The following ASMTL variants were observed in gnomAD, a reference collection of about 807,000 sequenced individuals.
ASMTL encodes the protein probable bifunctional dTTP/UTP pyrophosphatase/methyltransferase protein.
In ASMTL, 57 loss-of-function variants were observed where a neutral mutation model predicts 60.3. The observed-to-expected ratio is 0.95, with a 90% CI of 0.76 to 1.18. ASMTL has a LOEUF of 1.18. Among genes scored for constraint, ASMTL ranks in the 50% most tolerant of loss-of-function variants. The pLI is 0.00. For synonymous variants in ASMTL, 419 were observed against 373.0 expected, an observed-to-expected ratio of 1.12 and a Z score of -1.42; for missense variants, 981 against 852.6, an observed-to-expected ratio of 1.15 and a Z score of -1.88.
Position 1,442,407 on chromosome X carries a change from G to A in ASMTL, c.94-90C>T, listed in dbSNP as rs1163589888. ...GCAAGATTTGCAGGACGCACATAGCGTTTGCTACACTCCCCGACCCTGTCC... is the reference window on the plus strand; with the variant it reads ...GCAAGATTTGCAGGACGCACATAGCATTTGCTACACTCCCCGACCCTGTCC... On this transcript the variant is annotated intron_variant, in intron 1 of 12. Transcript: ENST00000381317. 1.4e-5 allele frequency: 20 copies of A among 1,459,028 alleles called. No individual in the cohort carries two copies. The African/African-American group carries it at 1.8e-4, about 13-fold the overall frequency. 90.4% of individuals were successfully genotyped at this position (1,459,028 alleles called of 1,614,324 possible). A position where few individuals can be genotyped will look rare whatever the true frequency, so the allele number is the denominator to read the frequency against.
chrX:1,429,567 G>A (rs1428461066), intron 6 of ASMTL, among the ~76,000 whole-genome samples: 2 of 152,084 alleles, frequency 1.3e-5, no homozygotes, highest in African/African-American at 4.8e-5. Flanking sequence ...GGAGGCTGAG[G>A]CAGGCAGATC....
intron 12 of ASMTL, among the ~76,000 whole-genome samples, chrX:1,408,023 G>T (rs2089930724): frequency 1.4e-5 from 2 of 148,104 alleles, no homozygotes; most frequent in South Asian, 4.4e-4. Flanking sequence ...AACATCGCAA[G>T]ATCCCATCTC....
intron 12 of ASMTL, among the ~76,000 whole-genome samples, chrX:1,405,259 GGTAC>G (rs1366892175): frequency 4.9e-5 from 7 of 141,748 alleles, no homozygotes; most frequent in Admixed American, 1.4e-4. Flanking sequence ...GTAGATGATG[GGTAC>G]GTAGATAGAT....
At chrX:1,426,937 CAT>C (rs1365937505) in intron 7 of ASMTL, among the ~76,000 whole-genome samples, 8 of 151,814 alleles carry the variant, frequency 5.3e-5, no homozygotes, top group South Asian at 2.1e-4. Context: ...GAGCCGAGAT[CAT>C]GCCACTGCAC....
At chrX:1,438,094 G>A (rs760831861) in intron 3 of ASMTL, among the ~76,000 whole-genome samples, 1 of 150,838 alleles carries the variant, frequency 6.6e-6, no homozygotes, top group African/African-American at 2.4e-5. Context: ...TTTGAGACCA[G>A]CCTGGCCAAC....
At chrX:1,405,220 GGATA>G (rs1474967513) in intron 12 of ASMTL, among the ~76,000 whole-genome samples, 49 of 123,140 alleles carry the variant, frequency 4.0e-4, no homozygotes, top group East Asian at 8.9e-4. Context: ...ATGAATGGAT[GGATA>G]GATGGATGGA....
intron 12 of ASMTL, among the ~76,000 whole-genome samples, chrX:1,404,455 T>A (rs1170781776): frequency 2.0e-5 from 3 of 148,132 alleles, no homozygotes; most frequent in Non-Finnish European, 4.5e-5. Flanking sequence ...GGTGAATAGA[T>A]GGGTAGGTAG....
intron 12 of ASMTL, among the ~76,000 whole-genome samples, chrX:1,404,778 TG>T (rs1477130853): frequency 6.6e-6 from 1 of 151,380 alleles, no homozygotes; most frequent in African/African-American, 2.4e-5. Context: ...GATAGATGAA[TG>T]GATGGATATA....
At chrX:1,427,494 G>A (rs1198934473) in intron 7 of ASMTL, among the ~76,000 whole-genome samples, 76 of 151,106 alleles carry the variant, frequency 5.0e-4, no homozygotes, top group Non-Finnish European at 9.3e-4. Flanking sequence ...ATGAGGCCAC[G>A]TGGAGGACGT....
At chrX:1,416,501 A>G (rs1177313853) in intron 11 of ASMTL, among the ~76,000 whole-genome samples, 1 of 151,772 alleles carries the variant, frequency 6.6e-6, no homozygotes, top group Admixed American at 6.6e-5. Context: ...CGACAGGCAC[A>G]CACACACGGA....
chrX:1,433,481 C>T lies in ASMTL; in HGVS notation c.401-1104G>A, dbSNP rs558964947. 4.7e-4 allele frequency among the ~76,000 whole-genome samples: 61 copies of T among 130,722 alleles called. No homozygotes were observed. The South Asian group carries it at 0.011, about 24-fold the overall frequency. The allele number at this position is 130,722 out of a possible 152,430, so 85.8% of individuals were successfully genotyped here. A position where few individuals can be genotyped will look rare whatever the true frequency, so the allele number is the denominator to read the frequency against. ...GAGATCGAGACCCTCCTGGCTACCA[C>T]GGTGAAACCCCGTCTCTACTAAAAA... On this transcript the variant is annotated intron_variant, in intron 5 of 12. Transcript: ENST00000381317.
chrX:1,425,074 A>G (rs1295607348), intron 8 of ASMTL, among the ~76,000 whole-genome samples: 2 of 151,702 alleles, frequency 1.3e-5, no homozygotes, highest in African/African-American at 2.4e-5. Flanking sequence ...CCATCCATCC[A>G]TTTATATATC....
intron 11 of ASMTL, among the ~76,000 whole-genome samples, chrX:1,417,531 A>ACG (rs1490812454): frequency 6.0e-5 from 8 of 132,438 alleles, no homozygotes; most frequent in African/African-American, 2.1e-4. Context: ...ATGCACACAC[A>ACG]CACACATGCA....
At chrX:1,406,745 G>GATGGGTAGGTAGGTAGATGA (rs2089864913) in intron 12 of ASMTL, among the ~76,000 whole-genome samples, 1 of 151,932 alleles carries the variant, frequency 6.6e-6, no homozygotes, top group African/African-American at 2.4e-5. Flanking sequence ...GATGGTAGAT[G>GATGGGTAGGTAGGTAGATGA]ATGGGTAGGT....
intron 7 of ASMTL, among the ~76,000 whole-genome samples, chrX:1,426,695 G>T (rs1265114395): frequency 1.3e-5 from 2 of 152,164 alleles, no homozygotes; most frequent in South Asian, 2.1e-4. Flanking sequence ...TCTACTAAAA[G>T]TACAAAAATT....
chrX:1,412,425 A>C (rs1327825939), intron 12 of ASMTL, among the ~76,000 whole-genome samples: 1 of 151,906 alleles, frequency 6.6e-6, no homozygotes, highest in African/African-American at 2.4e-5. Context: ...ACGGGGTTTC[A>C]CCATGTTGGC....
chrX:1,433,501 T>TAAAAAAAAAAAA lies in ASMTL; in HGVS notation c.401-1136_401-1125dup, dbSNP rs35959333. On this transcript the variant is annotated intron_variant, in intron 5 of 12. Coordinates refer to ENST00000381317, the MANE Select transcript of ASMTL (RefSeq NM_004192.4). ...TACCACGGTGAAACCCCGTCTCTAC[T>TAAAAAAAAAAAA]AAAAAAAAAAAAAAAAAAAAAATAG... is the stretch of plus-strand genomic sequence containing the variant. Among the ~76,000 whole-genome samples, 2 of 99,156 alleles carry TAAAAAAAAAAAA rather than the reference T, an allele frequency of 2.0e-5. 1 individual carries two copies. The highest frequency in any genetic ancestry group is 3.8e-5 in the Non-Finnish European group (2 of 52,014). 65.1% of individuals were successfully genotyped at this position (99,156 alleles called of 152,430 possible).
rs753254315 is a variant in ASMTL at position 1,444,693 on chromosome X, C to CT, written c.94-2377dup. Among the ~76,000 whole-genome samples, 413 of 152,222 alleles carry CT rather than the reference C, an allele frequency of 2.7e-3. 3 individuals carry two copies. Among genetic ancestry groups the CT allele is most frequent in the Middle Eastern group, 0.017 (5 of 294 alleles). Reference sequence around the variant, plus strand: ...CTGACCCTGTCCTTTCTCTCTCTCCCTCTTTGAGTGTTGGGAGTGGAGGTT... The same window carrying CT: ...CTGACCCTGTCCTTTCTCTCTCTCCCTTCTTTGAGTGTTGGGAGTGGAGGTT... On this transcript the variant is annotated intron_variant, in intron 1 of 12. Transcript: ENST00000381317.
In ASMTL at chrX:1,417,810, G is replaced by GAC. The variant is rs1204332484; in HGVS notation, c.1522+161_1522+162dup. ...CATACCACACACATGCACACAGAGA[G>GAC]ACACACACACACAAGCACCGTAGAC... is the stretch of plus-strand genomic sequence containing the variant. On this transcript the variant is annotated intron_variant, in intron 11 of 12. Coordinates refer to ENST00000381317, the MANE Select transcript of ASMTL (RefSeq NM_004192.4). 4.8e-4 allele frequency: 145 copies of GAC among 302,550 alleles called. 1 individual carries two copies. The highest frequency in any genetic ancestry group is 3.1e-3 in the African/African-American group (132 of 42,414). 18.7% of individuals were successfully genotyped at this position (302,550 alleles called of 1,614,324 possible).
Sources: allele counts gnomAD v4.1 joint callset (sites outside exome capture counted in the v4.1 genomes callset), GRCh38; gene constraint gnomAD v4.1.1; transcripts MANE v1.5; gene names NCBI Gene and HGNC (gene_info 2026-07-23, HGNC 2026-07-21).